RGS20: variants seen among roughly 807,000 people sequenced by gnomAD.
RGS20 encodes regulator of G protein signaling 20, also known as gz-selective GTPase-activating protein.
Under a neutral mutation model 33.6 loss-of-function variants are expected in RGS20, and 30 were observed. The observed-to-expected ratio is 0.89, with a 90% CI of 0.67 to 1.21. RGS20 has a LOEUF of 1.21. Among genes scored for constraint, RGS20 ranks in the 50% most tolerant of loss-of-function variants. The pLI is 0.00. For synonymous variants in RGS20, 208 were observed against 197.9 expected, an observed-to-expected ratio of 1.05 and a Z score of -0.43; for missense variants, 472 against 502.4, an observed-to-expected ratio of 0.94 and a Z score of 0.58.
At position 53,958,575 on chromosome 8, in the gene RGS20, A is replaced by C. The variant is rs1326733764; in HGVS notation, c.*117A>C. The C allele has an allele frequency of 4.3e-6, 2 of 469,620 alleles. No homozygotes were observed. The highest frequency in any genetic ancestry group is 8.3e-5 in the Admixed American group (2 of 23,970). The allele number at this position is 469,620 out of a possible 1,614,324, so 29.1% of individuals were successfully genotyped here. ...GCTGGAGTAATACTCAGGCTATTCT[A>C]ATAACAGATGATTCCTTCAACAGAC... On this transcript the variant is annotated 3_prime_UTR_variant, in exon 6 of 6. Coordinates refer to ENST00000297313, the MANE Select transcript of RGS20 (RefSeq NM_170587.4).
At chr8:53,882,643 CAAAAAAA>C (rs34390232) in intron 2 of RGS20, among the ~76,000 whole-genome samples, 1 of 103,442 alleles carries the variant, frequency 9.7e-6, no homozygotes, top group Non-Finnish European at 2.2e-5. Context: ...GACTCCGTCT[CAAAAAAA>C]AAAAAAAAAA....
At chr8:53,902,494 T>C (rs771088753) in intron 2 of RGS20, among the ~76,000 whole-genome samples, 2 of 152,210 alleles carry the variant, frequency 1.3e-5, no homozygotes, top group African/African-American at 2.4e-5. Context: ...TACACTCCCA[T>C]CAGCGGTGCG....
In RGS20 at chr8:53,879,461, G is replaced by T. The variant is rs936392431; in HGVS notation, c.369G>T (p.Leu123=). The change falls in exon 2 of 6, where the codon CTG becomes CTT. Residue 123 remains leucine (L), a synonymous_variant. Coordinates refer to ENST00000297313, the MANE Select transcript of RGS20 (RefSeq NM_170587.4). Reference sequence around the variant, plus strand: ...GGCTCTCGAGGGGGCACGAGGAGCTGCCGGGCCGCCTCTCGCTCCTGCTCG... The same window carrying T: ...GGCTCTCGAGGGGGCACGAGGAGCTTCCGGGCCGCCTCTCGCTCCTGCTCG... 6.3e-7 allele frequency: 1 copy of T among 1,590,074 alleles called. No homozygotes were observed. Among genetic ancestry groups the T allele is most frequent in the Admixed American group, 1.8e-5 (1 of 57,010 alleles).
At chr8:53,912,970 ATT>A (rs200034042) in intron 2 of RGS20, among the ~76,000 whole-genome samples, 1 of 145,708 alleles carries the variant, frequency 6.9e-6, no homozygotes. Context: ...ACTGCAATTG[ATT>A]TTTTTTTTTT....
intron 2 of RGS20, among the ~76,000 whole-genome samples, chr8:53,936,987 C>A (rs530715737): frequency 6.6e-6 from 1 of 152,188 alleles, no homozygotes; most frequent in East Asian, 1.9e-4. Flanking sequence ...AAAAACAAGC[C>A]ATGGGGAAAG....
chr8:53,856,836 A>C (rs1811685183), intron 1 of RGS20, among the ~76,000 whole-genome samples: 1 of 151,778 alleles, frequency 6.6e-6, no homozygotes, highest in African/African-American at 2.4e-5. Flanking sequence ...TGTTCCAGAC[A>C]TGTGATCCCT....
At chr8:53,957,894 C>G (rs754725641) in intron 5 of RGS20, among the ~76,000 whole-genome samples, 13 of 152,122 alleles carry the variant, frequency 8.5e-5, no homozygotes, top group Non-Finnish European at 1.5e-4. Context: ...TGCCTGTAAT[C>G]CCAGCAGCTA....
rs570738745 is a variant in RGS20, at chr8:53,884,392, C to T, written c.510+4790C>T. On this transcript the variant is annotated intron_variant, in intron 2 of 5. Coordinates refer to ENST00000297313, the MANE Select transcript of RGS20 (RefSeq NM_170587.4). ...TTAATTTTTTATAGAGACAGGATCT[C>T]GCTGTGTTGCCAGGGCTGATGAACA... is the stretch of plus-strand genomic sequence containing the variant. 8.5e-4 allele frequency among the ~76,000 whole-genome samples: 130 copies of T among 152,094 alleles called. 1 individual carries two copies. The South Asian group carries it at 0.026, about 31-fold the overall frequency.
chr8:53,907,827 T>A (rs1448669981), intron 2 of RGS20, among the ~76,000 whole-genome samples: 2 of 152,016 alleles, frequency 1.3e-5, no homozygotes, highest in African/African-American at 4.8e-5. Context: ...CAGATTAAGT[T>A]TAAAGGTCAT....
In RGS20 at chr8:53,879,449, GC is replaced by G; in HGVS notation, c.358del (p.His120ThrfsTer28). 6.3e-7 allele frequency: 1 copy of G among 1,599,300 alleles called. No homozygotes were observed. The highest frequency in any genetic ancestry group is 8.5e-7 in the Non-Finnish European group (1 of 1,174,198). On this transcript the variant is annotated frameshift_variant, in exon 2 of 6. Coordinates refer to ENST00000297313, the MANE Select transcript of RGS20 (RefSeq NM_170587.4). LOFTEE classifies it high-confidence loss of function. ...TGCCGGCCGCCCGGCTCTCGAGGGG[GC>G]ACGAGGAGCTGCCGGGCCGCCTCTC...
intron 2 of RGS20, among the ~76,000 whole-genome samples, chr8:53,911,045 A>G (rs1813334356): frequency 6.6e-6 from 1 of 152,244 alleles, no homozygotes; most frequent in Non-Finnish European, 1.5e-5. Context: ...AGCTGCAATT[A>G]GATCTGAGGT....
chr8:53,861,873 A>G (rs147228911), intron 1 of RGS20, among the ~76,000 whole-genome samples: 2 of 152,252 alleles, frequency 1.3e-5, no homozygotes, highest in African/African-American at 4.8e-5. Context: ...TATTAGCATC[A>G]TTAAGATCTC....
At chr8:53,915,444 G>T (rs1262977303) in intron 2 of RGS20, among the ~76,000 whole-genome samples, 1 of 152,098 alleles carries the variant, frequency 6.6e-6, no homozygotes, top group East Asian at 1.9e-4. Flanking sequence ...CCCCACTCCT[G>T]CCTGACCTCT....
chr8:53,909,203 A>ATG (rs201686606), intron 2 of RGS20, among the ~76,000 whole-genome samples: 613 of 57,222 alleles, frequency 0.011, 6 homozygotes, highest in African/African-American at 0.034. Flanking sequence ...CCATTATGGT[A>ATG]TGTGTGTATA....
In RGS20 at chr8:53,958,250, C is replaced by T. The variant is rs747706385; in HGVS notation, c.979-20C>T. The T allele has an allele frequency of 1.6e-5, 26 of 1,578,446 alleles. No individual in the cohort carries two copies. The South Asian group carries it at 2.9e-4, about 18-fold the overall frequency. ...ACAACTGAAGTCTCTAATACAGCTC[C>T]TACTCGTTTCTGTCGACAGGTGAGC... On this transcript the variant is annotated intron_variant, in intron 5 of 5. Transcript: ENST00000297313.
intron 4 of RGS20, among the ~76,000 whole-genome samples, chr8:53,947,070 A>G (rs1259443903): frequency 6.8e-6 from 1 of 147,520 alleles, no homozygotes; most frequent in East Asian, 1.9e-4. Flanking sequence ...ATAATTTTAT[A>G]TAAGATATAG....
chr8:53,908,885 G>A (rs1355295606), intron 2 of RGS20, among the ~76,000 whole-genome samples: 1 of 151,902 alleles, frequency 6.6e-6, no homozygotes, highest in East Asian at 1.9e-4. Context: ...ATATACTCTT[G>A]TAATCATGTA....
chr8:53,902,532 CCTCT>C (rs746200471), intron 2 of RGS20, among the ~76,000 whole-genome samples: 26 of 152,158 alleles, frequency 1.7e-4, no homozygotes, highest in Non-Finnish European at 2.8e-4. Context: ...CTCTATCCTT[CCTCT>C]CTATCTTTCT....
chr8:53,949,180 C>T (rs1291236919), intron 4 of RGS20, among the ~76,000 whole-genome samples: 1 of 111,752 alleles, frequency 8.9e-6, no homozygotes, highest in Non-Finnish European at 1.7e-5. Context: ...ATATAAGATA[C>T]AGTATATATT....
Sources: allele counts gnomAD v4.1 joint callset (sites outside exome capture counted in the v4.1 genomes callset), GRCh38; gene constraint gnomAD v4.1.1; transcripts MANE v1.5; gene names NCBI Gene and HGNC (gene_info 2026-07-23, HGNC 2026-07-21).